ACTR3C: variants seen among roughly 807,000 people sequenced by gnomAD.
ACTR3C encodes the protein actin related protein 3C.
Under a neutral mutation model 26.3 loss-of-function variants are expected in ACTR3C, and 18 were observed. The ratio of observed to expected loss-of-function variants is 0.68; its 90% CI spans 0.47 to 1.01. ACTR3C has a LOEUF of 1.01. Ranked by LOEUF, ACTR3C falls within the 50% of genes least tolerant of loss-of-function variation. ACTR3C has a pLI of 0.00. For synonymous variants in ACTR3C, 55 were observed against 94.5 expected, an observed-to-expected ratio of 0.58 and a Z score of 2.42; for missense variants, 184 against 250.7, an observed-to-expected ratio of 0.73 and a Z score of 1.80.
intron 4 of ACTR3C, among the ~76,000 whole-genome samples, chr7:150,286,841 AG>A (rs1835816749): frequency 1.3e-5 from 2 of 151,572 alleles, no homozygotes; most frequent in African/African-American, 4.9e-5. Context: ...GTGTCTAGAA[AG>A]CACCTCGTCT....
At chr7:150,097,305 C>T in the ACTR3C span, among the ~76,000 whole-genome samples, 2 of 151,882 alleles carry the variant, frequency 1.3e-5, no homozygotes, top group South Asian at 4.1e-4. Flanking sequence ...AAGCTTTCCT[C>T]ACTGTTCCAA....
At chr7:150,023,344 TATTTTAGAG>T in the ACTR3C span, among the ~76,000 whole-genome samples, 9 of 105,616 alleles carry the variant, frequency 8.5e-5, no homozygotes, top group African/African-American at 1.8e-4. Flanking sequence ...CATACATATA[TATTTTAGAG>T]ACAGAGTTTC....
the ACTR3C span, among the ~76,000 whole-genome samples, chr7:150,113,551 T>C: frequency 1.3e-5 from 2 of 152,210 alleles, no homozygotes; most frequent in Non-Finnish European, 2.9e-5. Flanking sequence ...GAGCAGTATA[T>C]ATGCTTAGTG....
chr7:150,280,632 T>C (rs941564382), intron 6 of ACTR3C, among the ~76,000 whole-genome samples: 1 of 152,098 alleles, frequency 6.6e-6, no homozygotes, highest in Non-Finnish European at 1.5e-5. Flanking sequence ...GGAAATCTGC[T>C]GAGAGAGGAA....
chr7:150,169,973 T>C, the ACTR3C span, among the ~76,000 whole-genome samples: 2 of 149,988 alleles, frequency 1.3e-5, no homozygotes, highest in Non-Finnish European at 2.9e-5. Context: ...TATAACAAAT[T>C]ACCCCCAAAT....
At chr7:149,894,374 AC>A in the ACTR3C span, among the ~76,000 whole-genome samples, 2 of 152,198 alleles carry the variant, frequency 1.3e-5, no homozygotes, top group Non-Finnish European at 2.9e-5. Context: ...AGCACAGGTA[AC>A]AAAAATAGAT....
At chr7:150,054,091 C>A in the ACTR3C span, among the ~76,000 whole-genome samples, 1 of 152,238 alleles carries the variant, frequency 6.6e-6, no homozygotes, top group Non-Finnish European at 1.5e-5. Flanking sequence ...GACAAACCCC[C>A]TTTTCAGATG....
the ACTR3C span, among the ~76,000 whole-genome samples, chr7:150,215,424 G>A: frequency 6.6e-6 from 1 of 152,070 alleles, no homozygotes; most frequent in Non-Finnish European, 1.5e-5. Context: ...GCGCAAATGG[G>A]TAAACAGGAG....
At chr7:150,179,276 C>G in the ACTR3C span, among the ~76,000 whole-genome samples, 6 of 143,690 alleles carry the variant, frequency 4.2e-5, no homozygotes, top group Admixed American at 1.3e-4. Flanking sequence ...TCTAGCCAGT[C>G]TGATGAGGAC....
chr7:150,042,682 C>T, the ACTR3C span, among the ~76,000 whole-genome samples: 1 of 151,916 alleles, frequency 6.6e-6, no homozygotes, highest in African/African-American at 2.4e-5. Flanking sequence ...CAGGTTTTGC[C>T]CAAGAATCAG....
the ACTR3C span, among the ~76,000 whole-genome samples, chr7:149,883,964 G>A: frequency 6.9e-6 from 1 of 145,508 alleles, no homozygotes; most frequent in Non-Finnish European, 1.5e-5. Flanking sequence ...ATTCCATTCT[G>A]TAACAGGGAC....
chr7:150,124,316 G>A, the ACTR3C span, among the ~76,000 whole-genome samples: 2 of 152,172 alleles, frequency 1.3e-5, no homozygotes, highest in Non-Finnish European at 2.9e-5. Context: ...TACGAGTGCA[G>A]TTTTAGCGAA....
At chr7:149,907,473 T>TC in the ACTR3C span, among the ~76,000 whole-genome samples, 873 of 109,956 alleles carry the variant, frequency 7.9e-3, 7 homozygotes, top group Non-Finnish European at 0.013. Context: ...CTTGCCTCTC[T>TC]TCTCTTCTCT....
chr7:150,312,254 GT>G (rs1796392226), intron 1 of ACTR3C, among the ~76,000 whole-genome samples: 1 of 152,142 alleles, frequency 6.6e-6, no homozygotes, highest in African/African-American at 2.4e-5. Flanking sequence ...AGGGCAAGAG[GT>G]TCTTAGACCA....
chr7:150,048,336 C>T, the ACTR3C span, among the ~76,000 whole-genome samples: 1 of 152,116 alleles, frequency 6.6e-6, no homozygotes, highest in Non-Finnish European at 1.5e-5. Context: ...CCCTCCGCCC[C>T]CTTCCCCACC....
chr7:149,884,658 A>G, the ACTR3C span, among the ~76,000 whole-genome samples: 1 of 151,994 alleles, frequency 6.6e-6, no homozygotes, highest in Non-Finnish European at 1.5e-5. Context: ...GATGGAAGCC[A>G]TGTCTATTAC....
chr7:150,103,681 T>G, the ACTR3C span, among the ~76,000 whole-genome samples: 1 of 151,738 alleles, frequency 6.6e-6, no homozygotes, highest in Admixed American at 6.6e-5. Flanking sequence ...ATTTTTTAAA[T>G]TCAGAGACAA....
intron 1 of ACTR3C, among the ~76,000 whole-genome samples, chr7:150,307,583 C>A (rs61424447): frequency 0.014 from 2,143 of 152,308 alleles, 56 homozygotes; most frequent in African/African-American, 0.049. Context: ...TAAAGCAACC[C>A]CTTCCCCATC....
chr7:149,980,453 T>C, the ACTR3C span, among the ~76,000 whole-genome samples: 1 of 152,236 alleles, frequency 6.6e-6, no homozygotes, highest in Admixed American at 6.5e-5. Flanking sequence ...TTCCTTTCCT[T>C]GAACAAGGGG....
Sources: gnomAD v4.1 joint callset for allele counts (sites outside exome capture counted in the v4.1 genomes callset) on GRCh38, gnomAD v4.1.1 for gene constraint, MANE v1.5 for transcripts, NCBI Gene and HGNC (gene_info 2026-07-23, HGNC 2026-07-21) for gene names.